The following NUP210L variants were observed in gnomAD, a reference collection of about 807,000 sequenced individuals.
The protein encoded by NUP210L is nucleoporin 210 like.
NUP210L carries 74 observed loss-of-function variants against 208.5 expected under a neutral mutation model. The ratio of observed to expected loss-of-function variants is 0.35; its 90% confidence interval spans 0.29 to 0.43. NUP210L has a LOEUF of 0.43. Among genes scored for constraint, NUP210L ranks in the 20% least tolerant of loss-of-function variants. The pLI, the probability that NUP210L is intolerant of heterozygous loss-of-function variation, is 1.00. For synonymous variants in NUP210L, 780 were observed against 816.9 expected (o/e 0.95, Z 0.77); for missense variants, 1,843 against 2,289.4 (o/e 0.81, Z 3.98).
At chr1:154,014,104 T>G (rs928907578) in intron 33 of NUP210L, among the ~76,000 whole-genome samples, 7 of 152,276 alleles carry the variant, frequency 4.6e-5, no homozygotes, top group South Asian at 2.1e-4. Flanking sequence ...CTCTACATTC[T>G]CCTTAGTATT....
At chr1:154,078,782 T>C (rs1010548792) in intron 16 of NUP210L, 2 of 152,082 alleles carry the variant, frequency 1.3e-5, no homozygotes, top group African/African-American at 4.8e-5. Context: ...AAGATTAAGA[T>C]GTTAATTGTA....
At chr1:154,067,053 A>C (rs531505091) in intron 17 of NUP210L, among the ~76,000 whole-genome samples, 1 of 152,206 alleles carries the variant, frequency 6.6e-6, no homozygotes, top group Admixed American at 6.5e-5. Flanking sequence ...ACTTTTTTCC[A>C]GTCAATAGAA....
At chr1:154,048,373 C>T (rs1377390408) in intron 25 of NUP210L, among the ~76,000 whole-genome samples, 1 of 152,070 alleles carries the variant, frequency 6.6e-6, no homozygotes, top group Non-Finnish European at 1.5e-5. Flanking sequence ...GGATACACCC[C>T]CCAGATCAAC....
intron 17 of NUP210L, among the ~76,000 whole-genome samples, chr1:154,066,654 T>C (rs1293873574): frequency 6.6e-6 from 1 of 152,126 alleles, no homozygotes; most frequent in Non-Finnish European, 1.5e-5. Flanking sequence ...ATCCAGGAGC[T>C]GGTTTTTTTG....
chr1:154,081,622 T>G (rs1043523521), intron 16 of NUP210L, among the ~76,000 whole-genome samples: 1 of 152,208 alleles, frequency 6.6e-6, no homozygotes, highest in Non-Finnish European at 1.5e-5. Context: ...TGGAGTTTAA[T>G]CACGTGGCCA....
rs756889247 is a variant in NUP210L at position 154,118,815 on chromosome 1, G to C, written c.1327-7C>G. Reference sequence around the variant, plus strand: ...TAGGCTGAATATCTTTATTCTATAAGAGCAGGAAAAAAGGAGCAAAATATA... The same window carrying C: ...TAGGCTGAATATCTTTATTCTATAACAGCAGGAAAAAAGGAGCAAAATATA... On this transcript the variant is annotated splice_region_variant and splice_polypyrimidine_tract_variant and intron_variant, in intron 10 of 39. Coordinates refer to ENST00000368559, the Ensembl canonical transcript of NUP210L. The C allele has an allele frequency of 3.9e-6, 6 of 1,533,212 alleles. No homozygotes were observed. Among genetic ancestry groups the C allele is most frequent in the East Asian group, 2.3e-5 (1 of 44,310 alleles). The allele number at this position is 1,533,212 out of a possible 1,614,324, so 95.0% of individuals were successfully genotyped here. A position where few individuals can be genotyped will look rare whatever the true frequency, so the allele number is the denominator to read the frequency against.
chr1:154,052,659 A>G (rs1044437472), intron 25 of NUP210L, among the ~76,000 whole-genome samples: 6 of 152,204 alleles, frequency 3.9e-5, no homozygotes, highest in African/African-American at 1.4e-4. Flanking sequence ...ATGCAGTTAC[A>G]CATGCTTTCT....
intron 27 of NUP210L, among the ~76,000 whole-genome samples, chr1:154,033,002 A>AAAGC (rs1216868298): frequency 4.3e-4 from 63 of 147,638 alleles, no homozygotes; most frequent in African/African-American, 1.5e-3. Context: ...AGAAAGAAAG[A>AAAGC]AAAAAAGAAA....
At position 153,993,520 on chromosome 1, in the gene NUP210L, C is replaced by G. The variant is rs193255740; in HGVS notation, c.5492-431G>C. Among the ~76,000 whole-genome samples the G allele has an allele frequency of 5.2e-3, 768 of 148,938 alleles. 4 individuals carry two copies. The highest frequency in any genetic ancestry group is 6.8e-3 in the Non-Finnish European group (459 of 67,606). Reference sequence around the variant, plus strand: ...GGCGGAGCTTGTAGTGAGCTGAGATCGTGCCACTGCACTCCAGCCTGGGCG... The same window carrying G: ...GGCGGAGCTTGTAGTGAGCTGAGATGGTGCCACTGCACTCCAGCCTGGGCG... On this transcript the variant is annotated intron_variant, in intron 38 of 39. Coordinates refer to ENST00000368559, the Ensembl canonical transcript of NUP210L.
At chr1:154,135,239 TAC>T (rs1245768027) in intron 7 of NUP210L, among the ~76,000 whole-genome samples, 12 of 152,158 alleles carry the variant, frequency 7.9e-5, no homozygotes, top group Admixed American at 1.3e-4. Context: ...TTCCCCTAAT[TAC>T]AGTTTTTTTA....
chr1:154,128,108 C>A (rs372239195), intron 8 of NUP210L, among the ~76,000 whole-genome samples: 6 of 151,946 alleles, frequency 3.9e-5, no homozygotes, highest in Admixed American at 2.0e-4. Flanking sequence ...AAGGGATGTA[C>A]CAGCCTCAGC....
At chr1:154,111,512 T>C (rs920994384) in intron 12 of NUP210L, among the ~76,000 whole-genome samples, 9 of 151,622 alleles carry the variant, frequency 5.9e-5, no homozygotes, top group Admixed American at 2.0e-4. Flanking sequence ...TGAGCAATTA[T>C]ATGCCAATAA....
intron 17 of NUP210L, among the ~76,000 whole-genome samples, chr1:154,064,959 C>A (rs1654322652): frequency 6.6e-6 from 1 of 151,784 alleles, no homozygotes; most frequent in Non-Finnish European, 1.5e-5. Context: ...GCCTGTAAGC[C>A]CAGCTACTCG....
chr1:154,066,820 G>A (rs1468010287), intron 17 of NUP210L, among the ~76,000 whole-genome samples: 3 of 152,092 alleles, frequency 2.0e-5, no homozygotes, highest in East Asian at 1.9e-4. Flanking sequence ...ACACCTCTAC[G>A]CAAATAAACT....
chr1:154,148,914 A>G (rs1659242753), intron 2 of NUP210L, among the ~76,000 whole-genome samples: 1 of 152,110 alleles, frequency 6.6e-6, no homozygotes, highest in African/African-American at 2.4e-5. Flanking sequence ...TAACTTGATA[A>G]TCAGGCACTG....
intron 25 of NUP210L, among the ~76,000 whole-genome samples, chr1:154,053,036 G>C (rs1052375031): frequency 1.3e-5 from 2 of 152,204 alleles, no homozygotes; most frequent in African/African-American, 4.8e-5. Flanking sequence ...CTAAACATAA[G>C]GATTTGTGGA....
chr1:154,131,285 A>AT (rs1553241112), intron 7 of NUP210L, among the ~76,000 whole-genome samples: 1 of 151,364 alleles, frequency 6.6e-6, no homozygotes, highest in Non-Finnish European at 1.5e-5. Flanking sequence ...AAAAAAAAAA[A>AT]GAAAAGAAAA....
At chr1:154,079,254 A>G (rs1015633375) in intron 16 of NUP210L, among the ~76,000 whole-genome samples, 12 of 152,076 alleles carry the variant, frequency 7.9e-5, no homozygotes, top group Non-Finnish European at 1.6e-4. Context: ...GTGAAAACCT[A>G]TCTCAAAAAA....
intron 27 of NUP210L, 131 bp from the exon 28 acceptor site, chr1:154,030,185 C>T: frequency 3.7e-6 from 2 of 543,190 alleles, no homozygotes; most frequent in Non-Finnish European, 5.9e-6. Context: ...TGGGAGGGGG[C>T]GAGGGATAGA....
Sources: allele counts gnomAD v4.1 joint callset (sites outside exome capture counted in the v4.1 genomes callset), GRCh38; gene constraint gnomAD v4.1.1; transcripts MANE v1.5; gene names NCBI Gene and HGNC (gene_info 2026-07-23, HGNC 2026-07-21).